The following CPNE8 variants were observed in gnomAD, a reference collection of about 807,000 sequenced individuals.
CPNE8 encodes copine 8.
CPNE8 carries 45 observed loss-of-function variants against 81.5 expected under a neutral mutation model. The ratio of observed to expected loss-of-function variants is 0.55; its 90% confidence interval spans 0.44 to 0.71. The LOEUF is 0.71. Ranked by LOEUF, CPNE8 falls within the 30% of genes least tolerant of loss-of-function variation. The pLI is 0.00. For missense variants in CPNE8, 594 were observed against 672.1 expected (o/e 0.88, Z 1.28); for synonymous variants, 252 against 226.3 (o/e 1.11, Z -1.02).
intron 1 of CPNE8, among the ~76,000 whole-genome samples, chr12:38,881,504 A>C (rs1363466546): frequency 6.6e-6 from 1 of 152,138 alleles, no homozygotes; most frequent in Non-Finnish European, 1.5e-5. Flanking sequence ...ATTTTAAGTT[A>C]TTTTTCAGTT....
chr12:38,760,405 A>G (rs777125932), intron 10 of CPNE8, among the ~76,000 whole-genome samples: 14 of 144,718 alleles, frequency 9.7e-5, no homozygotes, highest in Non-Finnish European at 1.8e-4. Context: ...CAATGACCAG[A>G]CACAATTCTC....
chr12:38,822,695 A>G lies in CPNE8; in HGVS notation c.407+6684T>C, dbSNP rs191133592. ...TGACTGCTCCCAAAGCTCATGTACT[A>G]TCAACTTCATTACAGTGGCTGTTTA... On this transcript the variant is annotated intron_variant, in intron 6 of 19. Coordinates refer to ENST00000331366, the MANE Select transcript of CPNE8 (RefSeq NM_153634.3). Among the ~76,000 whole-genome samples, 14 of 152,306 alleles carry G rather than the reference A, an allele frequency of 9.2e-5. No homozygotes were observed. In the East Asian group the frequency reaches 2.5e-3, roughly 27 times the overall value.
At chr12:38,723,967 C>T (rs1565584701) in intron 12 of CPNE8, 134 bp from the exon 13 acceptor site, 2 of 565,790 alleles carry the variant, frequency 3.5e-6, no homozygotes, top group Non-Finnish European at 6.3e-6. Flanking sequence ...TTAACATCTG[C>T]TAGGACTGAT....
chr12:38,785,109 C>T lies in CPNE8; in HGVS notation c.408-8808G>A, dbSNP rs569041349. Among the ~76,000 whole-genome samples the T allele has an allele frequency of 1.2e-4, 18 of 151,294 alleles. No homozygotes were observed. In the East Asian group the frequency reaches 1.6e-3, roughly 13 times the overall value. ...ATTCAGAAGGCTGAGGCAAGATAAT[C>T]GCTTGAACCCAGGAGGAGGAGGTTG... On this transcript the variant is annotated intron_variant, in intron 6 of 19. Coordinates refer to ENST00000331366, the MANE Select transcript of CPNE8 (RefSeq NM_153634.3).
At chr12:38,817,781 G>T (rs1342794267) in intron 6 of CPNE8, among the ~76,000 whole-genome samples, 1 of 151,646 alleles carries the variant, frequency 6.6e-6, no homozygotes, top group South Asian at 2.1e-4. Context: ...CCACCGCTAC[G>T]CCCGGCTAAT....
chr12:38,805,814 G>C (rs1269240155), intron 6 of CPNE8, among the ~76,000 whole-genome samples: 1 of 149,438 alleles, frequency 6.7e-6, no homozygotes, highest in Non-Finnish European at 1.5e-5. Context: ...ATGAATCCAG[G>C]AGCTGGTTTT....
chr12:38,714,075 G>T (rs557637229), intron 13 of CPNE8, among the ~76,000 whole-genome samples: 1 of 152,192 alleles, frequency 6.6e-6, no homozygotes, highest in African/African-American at 2.4e-5. Flanking sequence ...ACACTTGAGA[G>T]ACATAGAGGA....
chr12:38,769,806 T>A (rs1273267805), intron 7 of CPNE8, among the ~76,000 whole-genome samples: 1 of 152,196 alleles, frequency 6.6e-6, no homozygotes, highest in Non-Finnish European at 1.5e-5. Flanking sequence ...AATGTAATAC[T>A]AAATTTAATT....
chr12:38,709,225 C>G (rs1940187007), intron 13 of CPNE8, among the ~76,000 whole-genome samples: 1 of 152,222 alleles, frequency 6.6e-6, no homozygotes, highest in Non-Finnish European at 1.5e-5. Flanking sequence ...CCTAACCCTT[C>G]TTGACCTTCT....
At chr12:38,807,819 T>A (rs944178931) in intron 6 of CPNE8, among the ~76,000 whole-genome samples, 2 of 151,846 alleles carry the variant, frequency 1.3e-5, no homozygotes, top group African/African-American at 4.8e-5. Flanking sequence ...ACAGGCAACC[T>A]ACAAAATGGG....
In CPNE8 at chr12:38,786,851, A is replaced by G. The variant is rs1028035541; in HGVS notation, c.408-10550T>C. On this transcript the variant is annotated intron_variant, in intron 6 of 19. Coordinates refer to ENST00000331366, the MANE Select transcript of CPNE8 (RefSeq NM_153634.3). Reference sequence around the variant, plus strand: ...CTTGCAGATACATAAAACAAATATTATCAGAGCTAAAGACAGAGACAGATC... The same window carrying G: ...CTTGCAGATACATAAAACAAATATTGTCAGAGCTAAAGACAGAGACAGATC... Among the ~76,000 whole-genome samples the G allele has an allele frequency of 7.2e-5, 11 of 152,278 alleles. No individual in the cohort carries two copies. In the East Asian group the frequency reaches 1.7e-3, roughly 24 times the overall value.
intron 6 of CPNE8, among the ~76,000 whole-genome samples, chr12:38,810,318 C>T (rs1942908391): frequency 6.6e-6 from 1 of 152,148 alleles, no homozygotes; most frequent in South Asian, 2.1e-4. Flanking sequence ...TTGAGAGTGT[C>T]TAGAGATCAC....
chr12:38,667,011 CA>C (rs1268977057), intron 19 of CPNE8, among the ~76,000 whole-genome samples: 2 of 152,072 alleles, frequency 1.3e-5, no homozygotes, highest in African/African-American at 4.8e-5. Context: ...TATCGTTATA[CA>C]AAAAGGAAGG....
intron 1 of CPNE8, among the ~76,000 whole-genome samples, chr12:38,890,049 C>G (rs147305190): frequency 6.6e-6 from 1 of 152,332 alleles, no homozygotes; most frequent in East Asian, 1.9e-4. Context: ...AACCACACAA[C>G]AGTTGCATTT....
In CPNE8 at chr12:38,905,510, C is replaced by T; in HGVS notation, c.25G>A (p.Ala9Thr). Residue 9 changes from alanine (A) to threonine (T), a missense_variant, in exon 1 of 20, where the codon GCG becomes ACG. Transcript: ENST00000331366. MDSRYNST[A>T]GIGDLNQLSA... Reference sequence around the variant, plus strand: ...AGCTGGTTCAAGTCCCCGATGCCCGCAGTGCTGTTGTAGCGGCTGTCCATA... The same window carrying T: ...AGCTGGTTCAAGTCCCCGATGCCCGTAGTGCTGTTGTAGCGGCTGTCCATA... 1 of 1,571,070 alleles carries T rather than the reference C, an allele frequency of 6.4e-7. No individual in the cohort carries two copies. The highest frequency in any genetic ancestry group is 8.6e-7 in the Non-Finnish European group (1 of 1,157,964).
chr12:38,789,404 A>G (rs1942272879), intron 6 of CPNE8, among the ~76,000 whole-genome samples: 1 of 151,858 alleles, frequency 6.6e-6, no homozygotes, highest in African/African-American at 2.4e-5. Context: ...TCCATATGCA[A>G]AAGAATGAAA....
At chr12:38,779,087 T>A (rs1017111347) in intron 6 of CPNE8, among the ~76,000 whole-genome samples, 2 of 152,180 alleles carry the variant, frequency 1.3e-5, no homozygotes, top group Admixed American at 1.3e-4. Context: ...ATTTGTGAAC[T>A]ATGAGTTTAA....
intron 1 of CPNE8, among the ~76,000 whole-genome samples, chr12:38,894,903 T>C (rs576355479): frequency 6.6e-6 from 1 of 152,134 alleles, no homozygotes; most frequent in South Asian, 2.1e-4. Flanking sequence ...ATGGATGCAA[T>C]AAGAAGGATC....
chr12:38,690,188 C>T lies in CPNE8; in HGVS notation c.1143+3469G>A, dbSNP rs112606417. 2.2e-3 allele frequency among the ~76,000 whole-genome samples: 336 copies of T among 152,160 alleles called. 1 individual carries two copies. The highest frequency in any genetic ancestry group is 7.3e-3 in the African/African-American group (302 of 41,510). On this transcript the variant is annotated intron_variant, in intron 15 of 19. Coordinates refer to ENST00000331366, the MANE Select transcript of CPNE8 (RefSeq NM_153634.3). ...ATCACAAATTCATACCATGGAAATA[C>T]GAGGGTTTATTAACATCAGGTAGTT...
Sources: gnomAD v4.1 joint callset for allele counts (sites outside exome capture counted in the v4.1 genomes callset) on GRCh38, gnomAD v4.1.1 for gene constraint, MANE v1.5 for transcripts, NCBI Gene and HGNC (gene_info 2026-07-23, HGNC 2026-07-21) for gene names.